LNX2: variants seen among roughly 807,000 people sequenced by gnomAD.
LNX2 encodes the protein ligand of Numb protein X 2.
In LNX2, 35 loss-of-function variants were observed where a neutral mutation model predicts 66.2. The ratio of observed to expected loss-of-function variants is 0.53; its 90% CI spans 0.40 to 0.70. LNX2 has a LOEUF of 0.70. Ranked by LOEUF, LNX2 falls within the 30% of genes least tolerant of loss-of-function variation. LNX2 has a pLI of 0.00. For synonymous variants in LNX2, 337 were observed against 315.6 expected (o/e 1.07, Z -0.72); for missense variants, 791 against 850.8 (o/e 0.93, Z 0.87).
intron 8 of LNX2, 77 bp downstream of exon 8, chr13:27,553,128 TAAA>T: frequency 1.7e-6 from 2 of 1,161,122 alleles, no homozygotes; most frequent in African/African-American, 1.6e-5. Context: ...TCCCAACGAG[TAAA>T]TTTATCATGC....
intron 7 of LNX2, among the ~76,000 whole-genome samples, chr13:27,554,712 G>T (rs1353766665): frequency 6.6e-6 from 1 of 152,092 alleles, no homozygotes; most frequent in East Asian, 1.9e-4. Flanking sequence ...ACAAGTTTTC[G>T]TATGAACAGC....
chr13:27,587,106 G>A (rs1468260664), intron 1 of LNX2, among the ~76,000 whole-genome samples: 1 of 152,132 alleles, frequency 6.6e-6, no homozygotes, highest in Non-Finnish European at 1.5e-5. Flanking sequence ...AAGAGATCCA[G>A]CCCAGGGAAA....
chr13:27,581,180 G>GT, intron 2 of LNX2, 117 bp downstream of exon 2: 2 of 672,588 alleles, frequency 3.0e-6, no homozygotes, highest in Non-Finnish European at 4.7e-6. Flanking sequence ...TTCTGTACTT[G>GT]ATTCACCCAT....
At chr13:27,559,761 CA>C in intron 6 of LNX2, 80 bp downstream of exon 6, 7 of 1,366,064 alleles carry the variant, frequency 5.1e-6, no homozygotes, top group South Asian at 1.9e-5. Flanking sequence ...GACTGACACA[CA>C]AAAAAACCTT....
chr13:27,601,001 T>C (rs1029413620), intron 1 of LNX2, among the ~76,000 whole-genome samples: 10 of 152,272 alleles, frequency 6.6e-5, no homozygotes, highest in African/African-American at 2.4e-4. Context: ...ACTGCTTCAC[T>C]TGATACTCAA....
intron 6 of LNX2, 124 bp downstream of exon 6, chr13:27,559,718 C>T: frequency 2.2e-6 from 2 of 917,918 alleles, no homozygotes; most frequent in Non-Finnish European, 3.1e-6. Flanking sequence ...TCATTTGAAT[C>T]TTTTTTTTAA....
At chr13:27,587,780 G>C (rs1187118089) in intron 1 of LNX2, among the ~76,000 whole-genome samples, 1 of 151,988 alleles carries the variant, frequency 6.6e-6, no homozygotes, top group African/African-American at 2.4e-5. Flanking sequence ...CCAGCACTTT[G>C]GGAGGCCAAG....
intron 1 of LNX2, among the ~76,000 whole-genome samples, chr13:27,618,446 T>C (rs1955850411): frequency 6.6e-6 from 1 of 152,132 alleles, no homozygotes; most frequent in Non-Finnish European, 1.5e-5. Flanking sequence ...AACCCCTCCA[T>C]TAGAACAGCC....
intron 1 of LNX2, among the ~76,000 whole-genome samples, chr13:27,582,278 A>G (rs939098667): frequency 6.6e-6 from 1 of 152,062 alleles, no homozygotes; most frequent in African/African-American, 2.4e-5. Flanking sequence ...TCAAGCAATC[A>G]GCCCTCCCAA....
chr13:27,609,779 G>A (rs1689614591), intron 1 of LNX2, among the ~76,000 whole-genome samples: 1 of 151,976 alleles, frequency 6.6e-6, no homozygotes, highest in Admixed American at 6.6e-5. Context: ...TCAAAAAATA[G>A]GTACTATACC....
intron 1 of LNX2, among the ~76,000 whole-genome samples, chr13:27,586,027 CATAT>C (rs1400441697): frequency 4.7e-5 from 7 of 147,492 alleles, no homozygotes; most frequent in East Asian, 2.0e-4. Flanking sequence ...TACTTACATA[CATAT>C]ATATACTTAT....
chr13:27,604,240 C>T (rs1428445846), intron 1 of LNX2, among the ~76,000 whole-genome samples: 2 of 152,158 alleles, frequency 1.3e-5, no homozygotes, highest in Non-Finnish European at 2.9e-5. Flanking sequence ...AGCGAGACTC[C>T]GTCTCAAAAA....
At position 27,559,980 on chromosome 13, in the gene LNX2, A is replaced by G; in HGVS notation, c.1230T>C (p.Ser410=). 1 of 1,602,866 alleles carries G rather than the reference A, an allele frequency of 6.2e-7. No homozygotes were observed. Among genetic ancestry groups the G allele is most frequent in the Non-Finnish European group, 8.5e-7 (1 of 1,174,258 alleles). ...CAATTGTTAAATTCACTCTCTCTCC[A>G]CTGGCCTGGAGAAAACACAAATACA... The part of the protein sequence containing the change: ...PELAAQIIQA[S]GERVNLTIAR... The change falls in exon 6 of 10, where the codon AGT becomes AGC. Residue 410 remains serine, a synonymous_variant. Transcript: ENST00000316334.
chr13:27,563,532 A>C (rs1479418111), intron 4 of LNX2, among the ~76,000 whole-genome samples: 2 of 152,200 alleles, frequency 1.3e-5, no homozygotes, highest in Non-Finnish European at 2.9e-5. Flanking sequence ...ATAGTGACTG[A>C]TCCTTGGGTA....
chr13:27,585,537 G>A (rs112781874), intron 1 of LNX2, among the ~76,000 whole-genome samples: 361 of 152,026 alleles, frequency 2.4e-3, no homozygotes, highest in African/African-American at 8.0e-3. Context: ...AACATTTCTC[G>A]CATTTTATAA....
chr13:27,546,586 AAACT>A lies in LNX2; in HGVS notation c.*1745_*1748del, dbSNP rs1345797842. The A allele has an allele frequency of 1.3e-5, 2 of 152,212 alleles. No individual in the cohort carries two copies. Among genetic ancestry groups the A allele is most frequent in the African/African-American group, 2.4e-5 (1 of 41,458 alleles). The allele number at this position is 152,212 out of a possible 1,614,324, so 9.4% of individuals were successfully genotyped here. A position where few individuals can be genotyped will look rare whatever the true frequency, so the allele number is the denominator to read the frequency against. ...GATATGTTTTTTAAAAATCATTATA[AAACT>A]AACTGAAATAATCAGTGACATGCTA... On this transcript the variant is annotated 3_prime_UTR_variant, in exon 10 of 10. Coordinates refer to ENST00000316334, the MANE Select transcript of LNX2 (RefSeq NM_153371.4).
rs1048685297 is a variant in LNX2 at position 27,576,734 on chromosome 13, AAAAAG to A, written c.407+4558_407+4562del. ...AGCGAGATGCTATCTCCAGAAAAAA[AAAAAG>A]AAAAGAAAGGCCTCAATAAAATTTA... is the stretch of plus-strand genomic sequence containing the variant. On this transcript the variant is annotated intron_variant, in intron 2 of 9. Transcript: ENST00000316334. 6.6e-5 allele frequency among the ~76,000 whole-genome samples: 10 copies of A among 152,244 alleles called. No individual in the cohort carries two copies. In the South Asian group the frequency reaches 1.4e-3, roughly 22 times the overall value.
intron 2 of LNX2, among the ~76,000 whole-genome samples, chr13:27,573,222 A>C (rs57104839): frequency 1.3e-5 from 2 of 152,078 alleles, no homozygotes; most frequent in Non-Finnish European, 2.9e-5. Context: ...GCTGGCAGAC[A>C]CTGGAAGAGC....
chr13:27,587,457 T>C (rs1363346272), intron 1 of LNX2, among the ~76,000 whole-genome samples: 1 of 152,214 alleles, frequency 6.6e-6, no homozygotes, highest in Non-Finnish European at 1.5e-5. Flanking sequence ...AAAAAGATTG[T>C]TCTCAGGCTC....
Sources: allele counts gnomAD v4.1 joint callset (sites outside exome capture counted in the v4.1 genomes callset), GRCh38; gene constraint gnomAD v4.1.1; transcripts MANE v1.5; gene names NCBI Gene and HGNC (gene_info 2026-07-23, HGNC 2026-07-21).